The following ERICH6B variants were observed in gnomAD, a reference collection of about 807,000 sequenced individuals.
ERICH6B encodes glutamate rich 6B.
ERICH6B carries 69 observed loss-of-function variants against 80.0 expected under a neutral mutation model. The ratio of observed to expected loss-of-function variants is 0.86; its 90% confidence interval spans 0.71 to 1.05. The LOEUF is 1.05. ERICH6B is among the 50% of genes least tolerant of loss of function. The pLI is 0.00. For missense variants in ERICH6B, 754 were observed against 796.1 expected (o/e 0.95, Z 0.64); for synonymous variants, 283 against 291.9 (o/e 0.97, Z 0.31).
chr13:45,604,406 C>T (rs1049763909), intron 2 of ERICH6B, among the ~76,000 whole-genome samples: 7 of 152,184 alleles, frequency 4.6e-5, no homozygotes, highest in African/African-American at 1.7e-4. Context: ...TCATGCTGCC[C>T]ATCTCCATCC....
At chr13:45,582,576 A>G (rs1006072665) in intron 5 of ERICH6B, among the ~76,000 whole-genome samples, 1 of 152,208 alleles carries the variant, frequency 6.6e-6, no homozygotes, top group Non-Finnish European at 1.5e-5. Flanking sequence ...CAGGGCATCT[A>G]CAAATATAAA....
intron 1 of ERICH6B, among the ~76,000 whole-genome samples, chr13:45,610,672 T>C (rs1949894522): frequency 6.6e-6 from 1 of 152,216 alleles, no homozygotes; most frequent in African/African-American, 2.4e-5. Context: ...CTGGACAGCA[T>C]GTTACTGTAC....
chr13:45,571,046 A>G (rs1367689375), intron 8 of ERICH6B, among the ~76,000 whole-genome samples: 1 of 152,002 alleles, frequency 6.6e-6, no homozygotes, highest in African/African-American at 2.4e-5. Context: ...GCTGCCTACC[A>G]TGTTGCTTGG....
rs543245753 is a variant in ERICH6B, at chr13:45,574,817, G to T, written c.1050+25C>A. ...TACATTTGGAGGAAGCTGGGGGGGG[G>T]GTCTCAAGTTTTTATCCAACTTACG... On this transcript the variant is annotated intron_variant, in intron 8 of 14. Coordinates refer to ENST00000298738, the MANE Select transcript of ERICH6B (RefSeq NM_182542.3). 13 of 1,510,392 alleles carry T rather than the reference G, an allele frequency of 8.6e-6. No individual in the cohort carries two copies. In the East Asian group the frequency reaches 2.0e-4, roughly 23 times the overall value. 93.6% of individuals were successfully genotyped at this position (1,510,392 alleles called of 1,614,324 possible).
At chr13:45,614,268 C>T (rs1272403703) in intron 1 of ERICH6B, among the ~76,000 whole-genome samples, 2 of 152,170 alleles carry the variant, frequency 1.3e-5, no homozygotes, top group Non-Finnish European at 1.5e-5. Flanking sequence ...AAAGTCACCT[C>T]GTCTGGGAAG....
intron 2 of ERICH6B, among the ~76,000 whole-genome samples, chr13:45,599,660 T>C (rs1949813545): frequency 6.6e-6 from 1 of 152,204 alleles, no homozygotes; most frequent in Non-Finnish European, 1.5e-5. Context: ...CAGGAAAAAG[T>C]GTGCTGTTTT....
intron 13 of ERICH6B, among the ~76,000 whole-genome samples, chr13:45,549,286 A>C (rs78351281): frequency 0.1 from 15,579 of 151,960 alleles, 1,064 homozygotes; most frequent in African/African-American, 0.18. Context: ...CCGTCACAAA[A>C]AAAAAAAAAA....
intron 7 of ERICH6B, among the ~76,000 whole-genome samples, chr13:45,579,021 G>C (rs1385354773): frequency 1.3e-5 from 2 of 151,816 alleles, no homozygotes; most frequent in Non-Finnish European, 2.9e-5. Context: ...CTGGGCAAGA[G>C]AGTGAGACCC....
chr13:45,564,622 C>T (rs986074849), intron 9 of ERICH6B, among the ~76,000 whole-genome samples: 1 of 152,184 alleles, frequency 6.6e-6, no homozygotes, highest in Non-Finnish European at 1.5e-5. Flanking sequence ...TTCCCTTATT[C>T]GTACCCTAGA....
In ERICH6B at chr13:45,550,001, A is replaced by C. The variant is rs760571647; in HGVS notation, c.1538T>G (p.Met513Arg). 6.4e-7 allele frequency: 1 copy of C among 1,551,772 alleles called. No homozygotes were observed. The highest frequency in any genetic ancestry group is 8.7e-7 in the Non-Finnish European group (1 of 1,147,068). Residue 513 changes from methionine to arginine, a missense_variant, in exon 13 of 15, where the codon ATG becomes AGG. By Grantham distance (91) the Met-to-Arg change is moderately conservative. Transcript: ENST00000298738. Reference protein sequence around the residue: ...NLAMLILYAKMKKFTYIILED... With the variant: ...NLAMLILYAKRKKFTYIILED... ...CAGAATGATGTATGTGAACTTTTTC[A>C]TTTTCGCATATAAGATGAGCATAGC... is the stretch of plus-strand genomic sequence containing the variant.
At chr13:45,607,638 T>C (rs998782819) in intron 1 of ERICH6B, 23 bp from the exon 2 acceptor site, 3 of 152,350 alleles carry the variant, frequency 2.0e-5, no homozygotes, top group Non-Finnish European at 2.9e-5. Flanking sequence ...TGTTTTCTGG[T>C]TAGTTATCCA....
intron 1 of ERICH6B, among the ~76,000 whole-genome samples, chr13:45,610,316 T>G (rs1949892210): frequency 6.6e-6 from 1 of 152,108 alleles, no homozygotes; most frequent in Non-Finnish European, 1.5e-5. Context: ...GAACCATTTC[T>G]TATACCCCTA....
intron 11 of ERICH6B, among the ~76,000 whole-genome samples, chr13:45,551,259 A>G (rs1874211172): frequency 6.6e-6 from 1 of 152,118 alleles, no homozygotes; most frequent in Non-Finnish European, 1.5e-5. Flanking sequence ...TGGTTTGTTT[A>G]TTCCATTATT....
chr13:45,608,875 G>A (rs1949884014), intron 1 of ERICH6B, among the ~76,000 whole-genome samples: 2 of 152,164 alleles, frequency 1.3e-5, no homozygotes, highest in Non-Finnish European at 2.9e-5. Flanking sequence ...TGCCCTGAAC[G>A]GAGAAAGTTT....
In ERICH6B at chr13:45,544,908, T is replaced by A; in HGVS notation, c.1724A>T (p.Asn575Ile). 1 of 1,551,732 alleles carries A rather than the reference T, an allele frequency of 6.4e-7. No individual in the cohort carries two copies. ...GACAGGGGGTGCGTGGACATGGATG[T>A]TCAGATTCCACCAGTTCCAGGCCTT... Reference protein sequence around the residue: ...RQKAWNWWNLNIHVHAPPVQP... With the variant: ...RQKAWNWWNLIIHVHAPPVQP... Residue 575 changes from asparagine (N) to isoleucine (I), a missense_variant, in exon 14 of 15, where the codon AAC (asparagine) becomes ATC (isoleucine). By Grantham distance (149) the Asn-to-Ile change is moderately radical. Transcript: ENST00000298738.
chr13:45,583,732 T>C (rs1021526783), intron 5 of ERICH6B, among the ~76,000 whole-genome samples: 2 of 152,206 alleles, frequency 1.3e-5, no homozygotes, highest in Non-Finnish European at 1.5e-5. Context: ...GAAACTTCTT[T>C]CGTTTGGTTC....
At chr13:45,562,503 G>A (rs1366716612) in intron 10 of ERICH6B, among the ~76,000 whole-genome samples, 2 of 152,222 alleles carry the variant, frequency 1.3e-5, no homozygotes, top group Non-Finnish European at 2.9e-5. Flanking sequence ...AACAGTGGGA[G>A]CTGAGTGGCT....
chr13:45,578,510 A>C (rs1319427979), intron 7 of ERICH6B, among the ~76,000 whole-genome samples: 3 of 152,222 alleles, frequency 2.0e-5, no homozygotes, highest in Admixed American at 1.3e-4. Flanking sequence ...GAGAACAGTA[A>C]GTGATTAGTA....
Position 45,580,676 on chromosome 13 carries a change from G to C in ERICH6B, c.857-11C>G. ...ATTTTAAAGATTTTACTGTTAAAAG[G>C]CAGAAGAGGGTGGCTATTAATGATT... is the stretch of plus-strand genomic sequence containing the variant. On this transcript the variant is annotated splice_polypyrimidine_tract_variant and intron_variant, in intron 5 of 14. Coordinates refer to ENST00000298738, the MANE Select transcript of ERICH6B (RefSeq NM_182542.3). 1 of 1,551,276 alleles carries C rather than the reference G, an allele frequency of 6.4e-7. No individual in the cohort carries two copies. The highest frequency in any genetic ancestry group is 8.7e-7 in the Non-Finnish European group (1 of 1,146,736).
Sources: gnomAD v4.1 joint callset for allele counts (sites outside exome capture counted in the v4.1 genomes callset) on GRCh38, gnomAD v4.1.1 for gene constraint, MANE v1.5 for transcripts, NCBI Gene and HGNC (gene_info 2026-07-23, HGNC 2026-07-21) for gene names.